Variants in CNTNAP2 observed in about 807,000 individuals in gnomAD.
The protein encoded by CNTNAP2 is contactin-associated protein-like 2.
In CNTNAP2, 98 loss-of-function variants were observed where a neutral mutation model predicts 155.2. The ratio of observed to expected loss-of-function variants is 0.63; its 90% confidence interval spans 0.54 to 0.75. CNTNAP2 has a LOEUF of 0.75. Among genes scored for constraint, CNTNAP2 ranks in the 30% least tolerant of loss-of-function variants. CNTNAP2 has a pLI of 0.00. For missense variants in CNTNAP2, 1,727 were observed against 1,688.1 expected (o/e 1.02, Z -0.40); for synonymous variants, 651 against 631.2 (o/e 1.03, Z -0.47).
chr7:147,903,267 A>C lies in CNTNAP2; in HGVS notation c.2099-298A>C, dbSNP rs1455039284. ...TTTCATATGTTTGTTGGCCTTTTGTATATCTTATTTTGAGGATTTTCTATT... is the reference window on the plus strand; with the variant it reads ...TTTCATATGTTTGTTGGCCTTTTGTCTATCTTATTTTGAGGATTTTCTATT... On this transcript the variant is annotated intron_variant, in intron 13 of 23. Transcript: ENST00000361727. Among the ~76,000 whole-genome samples, 3 of 152,144 alleles carry C rather than the reference A, an allele frequency of 2.0e-5. No individual in the cohort carries two copies. The East Asian group carries it at 5.8e-4, about 29-fold the overall frequency.
intron 3 of CNTNAP2, among the ~76,000 whole-genome samples, chr7:146,926,393 T>C (rs1796610511): frequency 6.6e-6 from 1 of 152,170 alleles, no homozygotes; most frequent in African/African-American, 2.4e-5. Context: ...TCCTCTGATA[T>C]TTGTTTATAA....
intron 21 of CNTNAP2, among the ~76,000 whole-genome samples, chr7:148,374,478 C>G (rs1443121807): frequency 6.6e-6 from 1 of 152,116 alleles, no homozygotes; most frequent in East Asian, 1.9e-4. Context: ...TCAAATGACC[C>G]TCTGCTAGTC....
chr7:147,128,248 T>C (rs1415473991), intron 6 of CNTNAP2, among the ~76,000 whole-genome samples: 6 of 152,202 alleles, frequency 3.9e-5, no homozygotes, highest in African/African-American at 1.4e-4. Flanking sequence ...AAATACGATA[T>C]CCCTTGCTTT....
chr7:148,267,253 G>T, intron 21 of CNTNAP2, 127 bp downstream of exon 21: 2 of 820,098 alleles, frequency 2.4e-6, no homozygotes, highest in East Asian at 2.5e-5. Context: ...TCTCTGTACA[G>T]GAAAGTTACG....
chr7:147,395,805 C>G, intron 10 of CNTNAP2, 25 bp downstream of exon 10: 1 of 1,610,394 alleles, frequency 6.2e-7, no homozygotes, highest in Non-Finnish European at 8.5e-7. Flanking sequence ...CATCCTACCT[C>G]ACGTTGTCCA....
intron 1 of CNTNAP2, among the ~76,000 whole-genome samples, chr7:146,176,546 G>C (rs889508426): frequency 4.6e-5 from 7 of 152,130 alleles, no homozygotes; most frequent in African/African-American, 1.7e-4. Flanking sequence ...ATAAAAATCA[G>C]AATATCCAAT....
At chr7:148,119,700 C>A (rs935493906) in intron 16 of CNTNAP2, among the ~76,000 whole-genome samples, 1 of 152,136 alleles carries the variant, frequency 6.6e-6, no homozygotes, top group African/African-American at 2.4e-5. Context: ...AGGTAAATTG[C>A]TCAATCTCTT....
intron 5 of CNTNAP2, among the ~76,000 whole-genome samples, chr7:147,115,143 T>A (rs1466217131): frequency 1.3e-5 from 2 of 152,224 alleles, no homozygotes. Context: ...TGGCCCCCAA[T>A]CTCTTCTAGC....
At chr7:147,643,537 C>T (rs1045506492) in intron 13 of CNTNAP2, 2 of 152,028 alleles carry the variant, frequency 1.3e-5, no homozygotes, top group Non-Finnish European at 2.9e-5. Context: ...CTAATGTTTA[C>T]TGTAATTGAT....
At chr7:148,047,039 C>T (rs1003395861) in intron 15 of CNTNAP2, among the ~76,000 whole-genome samples, 2 of 152,164 alleles carry the variant, frequency 1.3e-5, no homozygotes, top group Admixed American at 6.5e-5. Flanking sequence ...GATGCTTCTC[C>T]TTGGGCCCCC....
chr7:147,914,434 G>A (rs1053881004), intron 14 of CNTNAP2, among the ~76,000 whole-genome samples: 1 of 151,738 alleles, frequency 6.6e-6, no homozygotes, highest in Non-Finnish European at 1.5e-5. Context: ...CAGCCACTCG[G>A]GAGGCTGAGA....
At chr7:148,027,398 A>G (rs1802394464) in intron 15 of CNTNAP2, among the ~76,000 whole-genome samples, 1 of 152,162 alleles carries the variant, frequency 6.6e-6, no homozygotes, top group South Asian at 2.1e-4. Flanking sequence ...CAGCCCACCT[A>G]AAGTTTTTGA....
At chr7:146,622,290 T>TAC (rs1799340002) in intron 1 of CNTNAP2, among the ~76,000 whole-genome samples, 2 of 151,558 alleles carry the variant, frequency 1.3e-5, no homozygotes, top group South Asian at 2.1e-4. Context: ...TATATATATA[T>TAC]ATGTTTTAGC....
In CNTNAP2 at chr7:146,774,323, C is replaced by T. The variant is rs1802350092; in HGVS notation, c.150C>T (p.Ser50=). Residue 50 remains serine, a synonymous_variant, in exon 2 of 24, where the codon AGC becomes AGT. Transcript: ENST00000361727. ...GACTCCCCCATGTGGCTTTCAGCAGCTCCTCCTCCATCTCTGGTAGCTATT... is the reference window on the plus strand; with the variant it reads ...GACTCCCCCATGTGGCTTTCAGCAGTTCCTCCTCCATCTCTGGTAGCTATT... ...VSGLPHVAFS[S]SSSISGSYSP... is the part of the protein sequence containing the mutation. 2 of 1,613,888 alleles carry T rather than the reference C, an allele frequency of 1.2e-6. No individual in the cohort carries two copies. Among genetic ancestry groups the T allele is most frequent in the African/African-American group, 2.7e-5 (2 of 74,886 alleles).
intron 13 of CNTNAP2, among the ~76,000 whole-genome samples, chr7:147,708,948 G>A (rs979474156): frequency 6.6e-5 from 10 of 152,026 alleles, no homozygotes; most frequent in Admixed American, 1.3e-4. Flanking sequence ...TTCTACTTTT[G>A]GATGGAATTA....
chr7:148,252,178 T>C (rs187248742), intron 20 of CNTNAP2, among the ~76,000 whole-genome samples: 3 of 152,348 alleles, frequency 2.0e-5, no homozygotes, highest in Admixed American at 2.0e-4. Flanking sequence ...TCTTGCCCAA[T>C]GTCTTTGAAC....
At chr7:146,246,817 T>C (rs1286767859) in intron 1 of CNTNAP2, among the ~76,000 whole-genome samples, 6 of 152,320 alleles carry the variant, frequency 3.9e-5, no homozygotes, top group African/African-American at 9.6e-5. Flanking sequence ...TTCCTTGGCC[T>C]GGTGGCCAGA....
At chr7:147,836,928 T>A (rs1798643373) in intron 13 of CNTNAP2, among the ~76,000 whole-genome samples, 1 of 152,284 alleles carries the variant, frequency 6.6e-6, no homozygotes, top group African/African-American at 2.4e-5. Context: ...CTCCTCTGAG[T>A]TTCTAAATGA....
At chr7:147,737,806 G>T (rs1321054622) in intron 13 of CNTNAP2, among the ~76,000 whole-genome samples, 1 of 152,196 alleles carries the variant, frequency 6.6e-6, no homozygotes, top group Non-Finnish European at 1.5e-5. Context: ...GTGGGCATAG[G>T]ACCCTCTGAG....
Sources: gnomAD v4.1 joint callset for allele counts (sites outside exome capture counted in the v4.1 genomes callset) on GRCh38, gnomAD v4.1.1 for gene constraint, MANE v1.5 for transcripts, NCBI Gene and HGNC (gene_info 2026-07-23, HGNC 2026-07-21) for gene names.